ERBB4: variants seen among roughly 807,000 people sequenced by gnomAD.
The protein encoded by ERBB4 is receptor tyrosine-protein kinase erbB-4.
A neutral mutation model predicts 158.0 loss-of-function variants in ERBB4; 42 were observed. The observed-to-expected ratio is 0.27, with a 90% CI of 0.21 to 0.34. The LOEUF (loss-of-function observed/expected upper bound fraction) is 0.34, where lower values mean the gene tolerates loss of function less well. ERBB4 is among the 10% of genes least tolerant of loss of function. ERBB4 has a pLI of 1.00. For synonymous variants in ERBB4, 583 were observed against 558.7 expected (o/e 1.04, Z -0.61); for missense variants, 1,333 against 1,624.1 (o/e 0.82, Z 3.08).
chr2:211,601,611 TGCAATAACA>T (rs2068802601), intron 19 of ERBB4, among the ~76,000 whole-genome samples: 1 of 152,162 alleles, frequency 6.6e-6, no homozygotes, highest in Admixed American at 6.5e-5. Flanking sequence ...GGCATTGGAC[TGCAATAACA>T]GCAATACTGG....
At position 211,824,816 on chromosome 2, in the gene ERBB4, AT is replaced by A. The variant is rs1248371869; in HGVS notation, c.422-36658del. On this transcript the variant is annotated intron_variant, in intron 3 of 27. Transcript: ENST00000342788. The stretch of plus-strand genomic sequence containing the variant: ...CTACTTTCAATGTTCTCTGAAAAAA[AT>A]ATGTTTGTTTTTACACAAAATTTGC... Among the ~76,000 whole-genome samples the A allele has an allele frequency of 9.2e-4, 140 of 152,078 alleles. 1 individual carries two copies. The highest frequency in any genetic ancestry group is 3.0e-3 in the African/African-American group (123 of 41,558).
intron 2 of ERBB4, among the ~76,000 whole-genome samples, chr2:212,025,887 G>T (rs986759541): frequency 1.3e-5 from 2 of 151,570 alleles, no homozygotes; most frequent in African/African-American, 2.4e-5. Context: ...TTTCTAAAAT[G>T]TGTTATATTT....
chr2:211,931,676 G>A (rs938781501), intron 3 of ERBB4, among the ~76,000 whole-genome samples: 4 of 151,946 alleles, frequency 2.6e-5, no homozygotes, highest in African/African-American at 9.7e-5. Context: ...CAGTGCAAAA[G>A]GTATTAGGTG....
At chr2:212,103,632 C>T (rs540913947) in intron 2 of ERBB4, among the ~76,000 whole-genome samples, 1 of 151,948 alleles carries the variant, frequency 6.6e-6, no homozygotes, top group Non-Finnish European at 1.5e-5. Flanking sequence ...AATTTTAAAA[C>T]TACTTCTCAG....
intron 1 of ERBB4, among the ~76,000 whole-genome samples, chr2:212,432,182 G>A (rs1462415834): frequency 6.6e-6 from 1 of 152,044 alleles, no homozygotes; most frequent in East Asian, 1.9e-4. Flanking sequence ...AAAGGAGGTG[G>A]AATCAAAATT....
chr2:212,134,899 G>A (rs1441083615), intron 1 of ERBB4, among the ~76,000 whole-genome samples: 5 of 151,892 alleles, frequency 3.3e-5, no homozygotes, highest in Non-Finnish European at 7.4e-5. Flanking sequence ...TGTCAGCTAG[G>A]ATGGTCTCGA....
chr2:211,883,315 G>A (rs528073760), intron 3 of ERBB4, among the ~76,000 whole-genome samples: 1 of 152,214 alleles, frequency 6.6e-6, no homozygotes, highest in Non-Finnish European at 1.5e-5. Flanking sequence ...GTGGAGCGGG[G>A]AGGGATAGCA....
At chr2:211,502,240 A>G (rs536082751) in intron 20 of ERBB4, among the ~76,000 whole-genome samples, 2 of 152,290 alleles carry the variant, frequency 1.3e-5, no homozygotes, top group South Asian at 2.1e-4. Context: ...TGCTCATAAC[A>G]TACTTCTATG....
At chr2:211,698,837 TC>T (rs2073122706) in intron 12 of ERBB4, among the ~76,000 whole-genome samples, 1 of 152,316 alleles carries the variant, frequency 6.6e-6, no homozygotes, top group Admixed American at 6.5e-5. Context: ...TAAAACTTCT[TC>T]CACCTAACAC....
intron 1 of ERBB4, among the ~76,000 whole-genome samples, chr2:212,323,510 A>T (rs750609757): frequency 6.6e-6 from 1 of 150,390 alleles, no homozygotes; most frequent in Non-Finnish European, 1.5e-5. Flanking sequence ...CAATATCATG[A>T]TACTTTCTAA....
intron 1 of ERBB4, among the ~76,000 whole-genome samples, chr2:212,463,554 T>C (rs560652934): frequency 2.0e-5 from 3 of 152,234 alleles, no homozygotes; most frequent in African/African-American, 7.2e-5. Flanking sequence ...AATTTCCATA[T>C]TATTTTTACA....
chr2:211,659,579 T>TA (rs2071342221), intron 15 of ERBB4, among the ~76,000 whole-genome samples: 1 of 152,116 alleles, frequency 6.6e-6, no homozygotes, highest in South Asian at 2.1e-4. Context: ...AGTGAGAATC[T>TA]AAAAAGCTAT....
chr2:211,709,304 T>A (rs1008637231), intron 9 of ERBB4, among the ~76,000 whole-genome samples: 5 of 140,378 alleles, frequency 3.6e-5, no homozygotes, highest in African/African-American at 1.4e-4. Context: ...TATATATATA[T>A]GAGAGAGAGA....
chr2:212,051,910 G>A (rs918047041), intron 2 of ERBB4, among the ~76,000 whole-genome samples: 1 of 152,146 alleles, frequency 6.6e-6, no homozygotes, highest in Non-Finnish European at 1.5e-5. Context: ...TCAGATTGAG[G>A]TTCAGATTTT....
intron 20 of ERBB4, among the ~76,000 whole-genome samples, chr2:211,510,619 A>G (rs6753811): frequency 0.1 from 15,604 of 152,070 alleles, 916 homozygotes; most frequent in Middle Eastern, 0.14. Context: ...ATCTTTTCAG[A>G]TGTGATTATC....
At chr2:211,464,842 A>C (rs1053478639) in intron 20 of ERBB4, among the ~76,000 whole-genome samples, 1 of 152,056 alleles carries the variant, frequency 6.6e-6, no homozygotes, top group Non-Finnish European at 1.5e-5. Context: ...ATGAAGTCCC[A>C]CAGTGATGTT....
intron 20 of ERBB4, among the ~76,000 whole-genome samples, chr2:211,539,728 C>T (rs956216727): frequency 6.6e-6 from 1 of 151,904 alleles, no homozygotes; most frequent in African/African-American, 2.4e-5. Context: ...CTCCTTTAAC[C>T]TTTCCAGTGT....
chr2:212,267,597 C>CTTTTTTTTTCT (rs2085186486), intron 1 of ERBB4, among the ~76,000 whole-genome samples: 1 of 47,616 alleles, frequency 2.1e-5, no homozygotes, highest in African/African-American at 6.5e-5. Flanking sequence ...GTTCTCATTT[C>CTTTTTTTTTCT]TTTTTTTTTT....
intron 1 of ERBB4, among the ~76,000 whole-genome samples, chr2:212,466,586 T>A (rs1688847447): frequency 6.6e-6 from 1 of 152,218 alleles, no homozygotes; most frequent in African/African-American, 2.4e-5. Flanking sequence ...TTGCTCCTAC[T>A]TGCCTTCTGC....
Sources: allele counts gnomAD v4.1 joint callset (sites outside exome capture counted in the v4.1 genomes callset), GRCh38; gene constraint gnomAD v4.1.1; transcripts MANE v1.5; gene names NCBI Gene and HGNC (gene_info 2026-07-23, HGNC 2026-07-21).